Variants in PRKG1 observed in about 807,000 individuals in gnomAD.
PRKG1 encodes the protein cGMP-dependent protein kinase 1.
PRKG1 carries 35 observed loss-of-function variants against 88.1 expected under a neutral mutation model. The observed-to-expected ratio is 0.40, with a 90% CI of 0.30 to 0.53. The LOEUF is 0.53. Ranked by LOEUF, PRKG1 falls within the 20% of genes least tolerant of loss-of-function variation. PRKG1 has a pLI of 0.59. For missense variants in PRKG1, 540 were observed against 839.8 expected (o/e 0.64, Z 4.41); for synonymous variants, 303 against 292.5 (o/e 1.04, Z -0.37).
At chr10:51,538,322 A>T (rs943243358) in intron 3 of PRKG1, among the ~76,000 whole-genome samples, 2 of 125,436 alleles carry the variant, frequency 1.6e-5, no homozygotes, top group Non-Finnish European at 3.6e-5. Flanking sequence ...AATTATTAAT[A>T]TATAATGTGA....
At chr10:51,487,471 G>A (rs569137313) in intron 3 of PRKG1, among the ~76,000 whole-genome samples, 1 of 152,146 alleles carries the variant, frequency 6.6e-6, no homozygotes, top group Non-Finnish European at 1.5e-5. Context: ...TTAGAGACAA[G>A]ATTAAAAAAC....
chr10:51,062,663 C>T (rs1297092476), intron 1 of PRKG1: 1 of 151,484 alleles, frequency 6.6e-6, no homozygotes, highest in East Asian at 1.9e-4. Context: ...GCTCTTGTTT[C>T]CCAGGCTGAA....
rs187283178 is a variant in PRKG1 at position 51,720,813 on chromosome 10, G to T, written c.593-83772G>T. ...GTAGTGGGTTATGAGTTTGGTTAAT[G>T]ACTAGACCTCTCTGAGTGGTATGTT... On this transcript the variant is annotated intron_variant, in intron 3 of 17. Coordinates refer to ENST00000373980, the MANE Select transcript of PRKG1 (RefSeq NM_006258.4). Among the ~76,000 whole-genome samples the T allele has an allele frequency of 7.4e-4, 112 of 152,250 alleles. 4 individuals are homozygous for T. Among genetic ancestry groups the T allele is most frequent in the South Asian group, 8.3e-4 (4 of 4,824 alleles).
At chr10:51,586,347 G>C (rs1838172550) in intron 3 of PRKG1, among the ~76,000 whole-genome samples, 1 of 152,066 alleles carries the variant, frequency 6.6e-6, no homozygotes, top group African/African-American at 2.4e-5. Flanking sequence ...GAACAAACTT[G>C]GACACCACTG....
At chr10:51,253,377 T>C (rs1324848919) in intron 2 of PRKG1, among the ~76,000 whole-genome samples, 1 of 151,976 alleles carries the variant, frequency 6.6e-6, no homozygotes, top group East Asian at 1.9e-4. Context: ...TGTAGCTGTT[T>C]TATAAGGTTG....
chr10:52,007,374 A>C (rs1267732150), intron 5 of PRKG1, among the ~76,000 whole-genome samples: 1 of 139,682 alleles, frequency 7.2e-6, no homozygotes, highest in Non-Finnish European at 1.6e-5. Flanking sequence ...TGCTGTCTTC[A>C]AGAGACCCAC....
chr10:51,264,685 G>T (rs7903693), intron 2 of PRKG1, among the ~76,000 whole-genome samples: 1,932 of 152,182 alleles, frequency 0.013, 38 homozygotes, highest in African/African-American at 0.043. Flanking sequence ...TGGCATGGGT[G>T]TATGTTTGGA....
At chr10:52,130,185 A>C (rs1166186156) in intron 7 of PRKG1, among the ~76,000 whole-genome samples, 4 of 152,146 alleles carry the variant, frequency 2.6e-5, no homozygotes, top group Admixed American at 2.6e-4. Context: ...GCTTCTTTCC[A>C]GTTTTAATAT....
chr10:52,129,925 G>A (rs74135168), intron 7 of PRKG1, among the ~76,000 whole-genome samples: 1,626 of 152,206 alleles, frequency 0.011, 32 homozygotes, highest in African/African-American at 0.036. Context: ...GCAGCCTACT[G>A]TTGTGGAAAG....
At chr10:51,822,768 T>G (rs2132731291) in intron 4 of PRKG1, among the ~76,000 whole-genome samples, 1 of 152,260 alleles carries the variant, frequency 6.6e-6, no homozygotes, top group Admixed American at 6.5e-5. Flanking sequence ...GTGTTTCCCT[T>G]GTGTGGTGCA....
At chr10:52,070,226 A>G (rs1564455952) in intron 7 of PRKG1, among the ~76,000 whole-genome samples, 1 of 152,182 alleles carries the variant, frequency 6.6e-6, no homozygotes, top group Non-Finnish European at 1.5e-5. Context: ...TTTCTTTTAG[A>G]TTTATTCTTT....
At chr10:52,023,964 G>A (rs979166723) in intron 5 of PRKG1, among the ~76,000 whole-genome samples, 2 of 152,112 alleles carry the variant, frequency 1.3e-5, no homozygotes, top group Admixed American at 6.5e-5. Flanking sequence ...TGCTTTTGGT[G>A]GTTTAGTCAT....
chr10:51,204,111 G>A (rs1426494562), intron 2 of PRKG1, among the ~76,000 whole-genome samples: 1 of 152,176 alleles, frequency 6.6e-6, no homozygotes, highest in East Asian at 1.9e-4. Context: ...CATTTAGGAT[G>A]AGTGAAATTC....
intron 3 of PRKG1, among the ~76,000 whole-genome samples, chr10:51,799,518 G>T (rs1937654): frequency 1.3e-4 from 19 of 151,764 alleles, no homozygotes; most frequent in African/African-American, 3.6e-4. Context: ...AGCAATCCCC[G>T]TGGCATACTT....
At chr10:51,945,484 C>T (rs1325863729) in intron 5 of PRKG1, among the ~76,000 whole-genome samples, 4 of 151,382 alleles carry the variant, frequency 2.6e-5, no homozygotes, top group African/African-American at 9.8e-5. Context: ...ATGTGTGAAT[C>T]TGATCCTGTC....
chr10:52,157,306 G>GAGATAGATATATATAT (rs1289803162), intron 8 of PRKG1, among the ~76,000 whole-genome samples: 4 of 125,934 alleles, frequency 3.2e-5, no homozygotes, highest in African/African-American at 1.2e-4. Context: ...TGAGTTAGTT[G>GAGATAGATATATATAT]ATATATATAT....
At chr10:51,115,310 T>C (rs1178027310) in intron 1 of PRKG1, among the ~76,000 whole-genome samples, 1 of 70,526 alleles carries the variant, frequency 1.4e-5, no homozygotes, top group Non-Finnish European at 2.6e-5. Flanking sequence ...CGAGACTCCA[T>C]CTCGGGGCGG....
intron 7 of PRKG1, among the ~76,000 whole-genome samples, chr10:52,124,903 T>C (rs2134772): frequency 0.55 from 82,889 of 151,920 alleles, 23,134 homozygotes; most frequent in East Asian, 0.7. Context: ...CTTCCACCTC[T>C]ACGTCTTGTC....
intron 2 of PRKG1, among the ~76,000 whole-genome samples, chr10:51,389,327 T>C (rs1837337155): frequency 1.3e-5 from 2 of 152,146 alleles, no homozygotes; most frequent in South Asian, 4.1e-4. Context: ...TGGTGCCCCA[T>C]GCCACAGAAT....
Sources: gnomAD v4.1 joint callset for allele counts (sites outside exome capture counted in the v4.1 genomes callset) on GRCh38, gnomAD v4.1.1 for gene constraint, MANE v1.5 for transcripts, NCBI Gene and HGNC (gene_info 2026-07-23, HGNC 2026-07-21) for gene names.